Variants in PDE4D observed in about 807,000 individuals in gnomAD.
PDE4D encodes 3',5'-cyclic-AMP phosphodiesterase 4D.
In PDE4D, 24 loss-of-function variants were observed where a neutral mutation model predicts 87.4. The observed-to-expected ratio is 0.27, with a 90% CI of 0.20 to 0.39. The LOEUF (loss-of-function observed/expected upper bound fraction) is 0.39. Among genes scored for constraint, PDE4D ranks in the 10% least tolerant of loss-of-function variants. The pLI, the probability that PDE4D is intolerant of heterozygous loss-of-function variation, is 1.00. For synonymous variants in PDE4D, 384 were observed against 383.2 expected (o/e 1.00, Z -0.02); for missense variants, 714 against 1,041.0 (o/e 0.69, Z 4.32).
rs1187146233 is a variant in PDE4D at position 59,396,112 on chromosome 5, T to C, written c.456-180144A>G. The stretch of plus-strand genomic sequence containing the variant: ...AGACCAAGTCTACGTCTGACTGGTG[T>C]ACCTGAAAGTGATGGGGAGAATGGA... On this transcript the variant is annotated intron_variant, in intron 1 of 14. Coordinates refer to ENST00000340635, the MANE Select transcript of PDE4D (RefSeq NM_001104631.2). Among the ~76,000 whole-genome samples, 11 of 120,156 alleles carry C rather than the reference T, an allele frequency of 9.2e-5. 3 individuals carry two copies. Among genetic ancestry groups the C allele is most frequent in the Admixed American group, 4.1e-4 (5 of 12,284 alleles). 78.8% of individuals were successfully genotyped at this position (120,156 alleles called of 152,430 possible).
chr5:60,331,343 T>C (rs544702485), intron 1 of PDE4D, among the ~76,000 whole-genome samples: 1 of 152,324 alleles, frequency 6.6e-6, no homozygotes, highest in Non-Finnish European at 1.5e-5. Context: ...AGGTAACATA[T>C]GCAACGCACC....
chr5:60,382,397 T>C (rs1487678999), intron 1 of PDE4D, among the ~76,000 whole-genome samples: 1 of 152,178 alleles, frequency 6.6e-6, no homozygotes, highest in Non-Finnish European at 1.5e-5. Flanking sequence ...TCATTTCACT[T>C]AACACATTTC....
At chr5:59,587,623 T>C (rs1490791202) in intron 1 of PDE4D, 1 of 985,240 alleles carries the variant, frequency 1.0e-6, no homozygotes, top group African/African-American at 1.7e-5. Context: ...GTACATTAAC[T>C]CTGCAGCAGC....
chr5:59,644,002 T>C (rs1393833208), intron 1 of PDE4D, among the ~76,000 whole-genome samples: 5 of 152,164 alleles, frequency 3.3e-5, no homozygotes, highest in Non-Finnish European at 7.3e-5. Context: ...AGAGATGTAA[T>C]AATGCATGAG....
intron 5 of PDE4D, among the ~76,000 whole-genome samples, chr5:59,120,011 AT>A (rs1774226476): frequency 6.6e-6 from 1 of 151,632 alleles, no homozygotes; most frequent in Non-Finnish European, 1.5e-5. Flanking sequence ...TGCTTGGCTA[AT>A]TTTTTTATTC....
At chr5:60,027,304 T>G (rs1363133152) in intron 2 of PDE4D, among the ~76,000 whole-genome samples, 1 of 152,172 alleles carries the variant, frequency 6.6e-6, no homozygotes, top group Non-Finnish European at 1.5e-5. Context: ...TTAGCTCCCA[T>G]TATAAGTGAG....
intron 1 of PDE4D, among the ~76,000 whole-genome samples, chr5:59,622,649 AG>A (rs1830476698): frequency 6.6e-6 from 1 of 152,204 alleles, no homozygotes; most frequent in African/African-American, 2.4e-5. Flanking sequence ...CCCAATCTTA[AG>A]GAAGACCTAC....
intron 1 of PDE4D, among the ~76,000 whole-genome samples, chr5:59,590,276 T>A (rs1184328595): frequency 2.6e-5 from 4 of 152,104 alleles, no homozygotes; most frequent in Non-Finnish European, 4.4e-5. Context: ...AACTAATAGG[T>A]TTGTAATCTA....
At chr5:60,242,248 T>C (rs1013435830) in intron 1 of PDE4D, among the ~76,000 whole-genome samples, 9 of 152,024 alleles carry the variant, frequency 5.9e-5, no homozygotes, top group African/African-American at 2.2e-4. Flanking sequence ...CATTATATAA[T>C]GATAAAAGGT....
chr5:59,817,724 G>A (rs1240126126), intron 1 of PDE4D, among the ~76,000 whole-genome samples: 4 of 151,298 alleles, frequency 2.6e-5, no homozygotes, highest in East Asian at 2.0e-4. Flanking sequence ...AGGCACGCGC[G>A]CGCGCGCACA....
intron 2 of PDE4D, among the ~76,000 whole-genome samples, chr5:60,027,926 T>TG (rs1766809490): frequency 6.6e-6 from 1 of 152,206 alleles, no homozygotes; most frequent in Non-Finnish European, 1.5e-5. Context: ...CTGTTCTGGG[T>TG]ATTGTGAATG....
chr5:59,723,412 AAC>A (rs1201147931), intron 1 of PDE4D, among the ~76,000 whole-genome samples: 2 of 152,168 alleles, frequency 1.3e-5, no homozygotes, highest in African/African-American at 4.8e-5. Context: ...CAAAGCATTT[AAC>A]ACAGAGCCTA....
At chr5:60,112,746 ACCGAGGATCCTTAGTT>A (rs1432658131) in intron 2 of PDE4D, among the ~76,000 whole-genome samples, 2 of 152,096 alleles carry the variant, frequency 1.3e-5, no homozygotes, top group Non-Finnish European at 2.9e-5. Context: ...CTATGAGTCA[ACCGAGGATCCTTAGTT>A]CCTGGCTATA....
intron 1 of PDE4D, among the ~76,000 whole-genome samples, chr5:60,204,670 C>T (rs977161992): frequency 6.7e-6 from 1 of 148,954 alleles, no homozygotes; most frequent in Non-Finnish European, 1.5e-5. Flanking sequence ...CTCTCTAGCT[C>T]AAAGCTTTTG....
intron 1 of PDE4D, chr5:59,560,936 A>C (rs1156894629): frequency 6.6e-6 from 1 of 152,218 alleles, no homozygotes; most frequent in Non-Finnish European, 1.5e-5. Context: ...TCAATCAAAA[A>C]GATATTTAAA....
In PDE4D at chr5:58,974,976, T is replaced by C; in HGVS notation, c.2118A>G (p.Glu706=). 6.2e-6 allele frequency: 10 copies of C among 1,612,882 alleles called. No individual in the cohort carries two copies. Among genetic ancestry groups the C allele is most frequent in the East Asian group, 2.2e-5 (1 of 44,846 alleles). Residue 706 remains glutamate, a synonymous_variant, in exon 15 of 15, where the codon GAA becomes GAG. Coordinates refer to ENST00000340635, the MANE Select transcript of PDE4D (RefSeq NM_001104631.2). ...DILDTLEDNR[E]WYQSTIPQSP... is the part of the protein sequence containing the mutation. ...TCTGAGGGATTGTGCTCTGGTACCA[T>C]TCACGATTGTCCTCCAAAGTGTCCA...
chr5:59,722,967 A>G (rs6865975), intron 1 of PDE4D, among the ~76,000 whole-genome samples: 7,185 of 152,194 alleles, frequency 0.047, 197 homozygotes, highest in South Asian at 0.063. Flanking sequence ...TTTTTTTACA[A>G]TTGCTTCATT....
intron 6 of PDE4D, among the ~76,000 whole-genome samples, chr5:59,012,181 C>T (rs1297051580): frequency 1.2e-4 from 19 of 152,120 alleles, no homozygotes; most frequent in Admixed American, 1.2e-3. Flanking sequence ...ACAACCAGTA[C>T]CAGCTACTGC....
intron 1 of PDE4D, among the ~76,000 whole-genome samples, chr5:60,306,439 C>T (rs962358128): frequency 6.6e-6 from 1 of 151,450 alleles, no homozygotes; most frequent in Non-Finnish European, 1.5e-5. Flanking sequence ...CAATAAAGGT[C>T]AACAAAATAA....
Sources: allele counts gnomAD v4.1 joint callset (sites outside exome capture counted in the v4.1 genomes callset), GRCh38; gene constraint gnomAD v4.1.1; transcripts MANE v1.5; gene names NCBI Gene and HGNC (gene_info 2026-07-23, HGNC 2026-07-21).